Variants in IGF2R observed in about 807,000 individuals in gnomAD.
The protein encoded by IGF2R is cation-independent mannose-6-phosphate receptor.
IGF2R carries 91 observed loss-of-function variants against 270.6 expected under a neutral mutation model. The observed-to-expected ratio is 0.34, with a 90% CI of 0.28 to 0.40. The LOEUF (loss-of-function observed/expected upper bound fraction) is 0.40, where lower values mean the gene tolerates loss of function less well. IGF2R is among the 10% of genes least tolerant of loss of function. IGF2R has a pLI of 1.00. For missense variants in IGF2R, 2,805 were observed against 3,188.3 expected (o/e 0.88, Z 2.90); for synonymous variants, 1,316 against 1,258.9 (o/e 1.05, Z -0.96).
chr6:160,089,314 G>C, intron 43 of IGF2R, 61 bp downstream of exon 43: 1 of 1,468,366 alleles, frequency 6.8e-7, no homozygotes, highest in East Asian at 2.3e-5. Context: ...CAGCAATGCC[G>C]CTCTTTCCCT....
At chr6:160,074,832 G>A (rs1204079576) in intron 35 of IGF2R, among the ~76,000 whole-genome samples, 1 of 152,224 alleles carries the variant, frequency 6.6e-6, no homozygotes. Flanking sequence ...GCCACAGCCT[G>A]AATTAGCACA....
intron 12 of IGF2R, among the ~76,000 whole-genome samples, chr6:160,044,282 G>A (rs1411106761): frequency 6.6e-6 from 1 of 152,190 alleles, no homozygotes; most frequent in African/African-American, 2.4e-5. Flanking sequence ...ACCTATGGAT[G>A]ACCCTGGAGG....
At chr6:160,085,200 C>T in intron 41 of IGF2R, 69 bp downstream of exon 41, 1 of 1,531,734 alleles carries the variant, frequency 6.5e-7, no homozygotes, top group Non-Finnish European at 8.9e-7. Context: ...AGGGTGTTCT[C>T]AGGATGGCAA....
At chr6:160,092,753 G>A (rs1779255010) in intron 44 of IGF2R, among the ~76,000 whole-genome samples, 1 of 152,164 alleles carries the variant, frequency 6.6e-6, no homozygotes, top group Non-Finnish European at 1.5e-5. Flanking sequence ...CCCTCCCGGA[G>A]CGGAGCCGCA....
rs147785628 is a variant in IGF2R, at chr6:159,969,721, C to T, written c.149+326C>T. Among the ~76,000 whole-genome samples, 427 of 152,208 alleles carry T rather than the reference C, an allele frequency of 2.8e-3. 12 individuals carry two copies. In the East Asian group the frequency reaches 0.071, roughly 25 times the overall value. ...CTTGGGGTCGGCGCCTGCCCTCGCG[C>T]GGCCGGGCGTCCGGGAAAGTTGGAG... On this transcript the variant is annotated intron_variant, in intron 1 of 47. Coordinates refer to ENST00000356956, the MANE Select transcript of IGF2R (RefSeq NM_000876.4).
chr6:160,087,599 G>A lies in IGF2R; in HGVS notation c.6206-434G>A, dbSNP rs190145057. On this transcript the variant is annotated intron_variant, in intron 41 of 47. Transcript: ENST00000356956. ...GAACAGGTCGATAAACCTTTAGGGA[G>A]CCCAAAATTTATTTTCTTCTGGCCT... 2.0e-4 allele frequency among the ~76,000 whole-genome samples: 31 copies of A among 152,320 alleles called. No homozygotes were observed. The East Asian group carries it at 6.0e-3, about 29-fold the overall frequency.
At chr6:160,013,791 G>A (rs1777206547) in intron 4 of IGF2R, among the ~76,000 whole-genome samples, 2 of 152,140 alleles carry the variant, frequency 1.3e-5, no homozygotes, top group South Asian at 2.1e-4. Flanking sequence ...CATAATGACT[G>A]CTAAAAATGT....
At chr6:160,026,673 A>G (rs1017241389) in intron 5 of IGF2R, among the ~76,000 whole-genome samples, 1 of 152,224 alleles carries the variant, frequency 6.6e-6, no homozygotes, top group Admixed American at 6.5e-5. Flanking sequence ...TGTTCTGGAC[A>G]TATTCTGGGT....
At chr6:160,079,480 A>G (rs1778929685) in intron 37 of IGF2R, 100 bp from the exon 38 acceptor site, 2 of 823,738 alleles carry the variant, frequency 2.4e-6, no homozygotes, top group East Asian at 6.6e-5. Flanking sequence ...GCTCTTCCTC[A>G]TGAACCTGCC....
intron 1 of IGF2R, among the ~76,000 whole-genome samples, chr6:159,982,083 C>G (rs990254889): frequency 6.6e-6 from 1 of 152,180 alleles, no homozygotes; most frequent in East Asian, 1.9e-4. Flanking sequence ...GCCTTCAGCT[C>G]GGGGTAGGAG....
intron 18 of IGF2R, 97 bp downstream of exon 18, chr6:160,048,640 A>G (rs1165603455): frequency 4.7e-6 from 6 of 1,271,896 alleles, no homozygotes; most frequent in African/African-American, 1.5e-5. Context: ...CAAAGGCAGC[A>G]CAGCTGCTCG....
At chr6:160,025,314 C>T (rs1168474868) in intron 5 of IGF2R, among the ~76,000 whole-genome samples, 3 of 152,200 alleles carry the variant, frequency 2.0e-5, no homozygotes, top group Admixed American at 1.3e-4. Context: ...CTTGATGTTC[C>T]CCTCAGGGCT....
At chr6:160,018,822 C>T (rs1777363993) in intron 4 of IGF2R, among the ~76,000 whole-genome samples, 1 of 151,992 alleles carries the variant, frequency 6.6e-6, no homozygotes, top group Admixed American at 6.6e-5. Flanking sequence ...AAAAGCAGGG[C>T]TAAGTGGGAA....
At chr6:159,975,268 C>T (rs1014027183) in intron 1 of IGF2R, among the ~76,000 whole-genome samples, 3 of 152,116 alleles carry the variant, frequency 2.0e-5, no homozygotes, top group Non-Finnish European at 2.9e-5. Context: ...TGATGATTAG[C>T]AGTTTATGAG....
chr6:160,050,328 T>C lies in IGF2R; in HGVS notation c.2515-145T>C, dbSNP rs1778165591. 1 of 802,802 alleles carries C rather than the reference T, an allele frequency of 1.2e-6. No homozygotes were observed. The highest frequency in any genetic ancestry group is 1.7e-5 in the African/African-American group (1 of 58,190). 49.7% of individuals were successfully genotyped at this position (802,802 alleles called of 1,614,324 possible). A position where few individuals can be genotyped will look rare whatever the true frequency, so the allele number is the denominator to read the frequency against. ...TTTGAGGATGGTTTCCTATTCCATA[T>C]GTAATAAGGGGATTTCCCCAGGAGC... is the stretch of plus-strand genomic sequence containing the variant. On this transcript the variant is annotated intron_variant, in intron 18 of 47. Transcript: ENST00000356956. This position sits in a 1 kb window ranked among gnomAD's most constrained non-coding sequence, Gnocchi z 4.0.
chr6:160,080,588 C>CA (rs1159193217), intron 39 of IGF2R, among the ~76,000 whole-genome samples: 1 of 152,136 alleles, frequency 6.6e-6, no homozygotes, highest in Non-Finnish European at 1.5e-5. Context: ...GATTATGCCT[C>CA]AGGAAAATGA....
At chr6:160,062,686 C>G (rs1254119874) in intron 26 of IGF2R, 67 bp downstream of exon 26, 4 of 1,133,752 alleles carry the variant, frequency 3.5e-6, no homozygotes, top group Admixed American at 2.0e-5. Context: ...TGAACGATGC[C>G]TTAGATATGA....
chr6:160,068,293 A>G lies in IGF2R; in HGVS notation c.4160A>G (p.Tyr1387Cys), dbSNP rs1778635088. Reference protein sequence around the residue: ...NSFDLSSLSRYSDNWEAITGT... With the variant: ...NSFDLSSLSRCSDNWEAITGT... ...TTCGACCTCTCGTCCCTGTCAAGGT[A>G]CAGTGACAACTGGGAAGCCATCACT... is the stretch of plus-strand genomic sequence containing the variant. Residue 1387 changes from tyrosine to cysteine, a missense_variant, in exon 30 of 48, where the codon TAC becomes TGC. Transcript: ENST00000356956. 6.2e-7 allele frequency: 1 copy of G among 1,614,262 alleles called. No individual in the cohort carries two copies. The highest frequency in any genetic ancestry group is 8.5e-7 in the Non-Finnish European group (1 of 1,180,038).
intron 44 of IGF2R, among the ~76,000 whole-genome samples, chr6:160,092,357 C>T (rs1174679491): frequency 6.6e-6 from 1 of 152,252 alleles, no homozygotes; most frequent in Non-Finnish European, 1.5e-5. Context: ...CACGCTCCAT[C>T]GCGCAGCACT....
Sources: gnomAD v4.1 joint callset for allele counts (sites outside exome capture counted in the v4.1 genomes callset) on GRCh38, gnomAD v4.1.1 for gene constraint, Gnocchi (gnomAD v3.1) non-coding constraint, MANE v1.5 for transcripts, NCBI Gene and HGNC (gene_info 2026-07-23, HGNC 2026-07-21) for gene names.